The following MSH4 variants were observed in gnomAD, a reference collection of about 807,000 sequenced individuals.
MSH4 encodes mutS protein homolog 4.
In MSH4, 106 loss-of-function variants were observed where a neutral mutation model predicts 113.7. The ratio of observed to expected loss-of-function variants is 0.93; its 90% CI spans 0.80 to 1.10. The LOEUF (loss-of-function observed/expected upper bound fraction) is 1.10. Among genes scored for constraint, MSH4 ranks in the 50% least tolerant of loss-of-function variants. The probability of loss-of-function intolerance (pLI) is 0.00; values close to 1 mark genes in which losing one functional copy is unlikely to be tolerated. For missense variants in MSH4, 1,061 were observed against 1,093.7 expected, an observed-to-expected ratio of 0.97 and a Z score of 0.42; for synonymous variants, 368 against 380.2, an observed-to-expected ratio of 0.97 and a Z score of 0.37.
chr1:75,833,714 G>A (rs1337110025), intron 7 of MSH4, among the ~76,000 whole-genome samples: 1 of 152,170 alleles, frequency 6.6e-6, no homozygotes, highest in African/African-American at 2.4e-5. Flanking sequence ...ATGGTGCTGG[G>A]AAAACTGGCT....
intron 5 of MSH4, among the ~76,000 whole-genome samples, chr1:75,816,070 C>G (rs1342060126): frequency 6.6e-6 from 1 of 152,084 alleles, no homozygotes; most frequent in African/African-American, 2.4e-5. Context: ...TAGAATGGTA[C>G]ATCAAAAATT....
At chr1:75,805,784 A>G (rs1650047123) in intron 2 of MSH4, among the ~76,000 whole-genome samples, 2 of 152,176 alleles carry the variant, frequency 1.3e-5, no homozygotes, top group Non-Finnish European at 2.9e-5. Context: ...AGGTAAGCCA[A>G]TCTTACTCTA....
intron 6 of MSH4, among the ~76,000 whole-genome samples, chr1:75,820,454 A>G (rs1054160171): frequency 6.6e-6 from 1 of 152,104 alleles, no homozygotes; most frequent in Admixed American, 6.6e-5. Flanking sequence ...GGTCCTGGAC[A>G]TTTTTTGGTT....
chr1:75,910,690 C>T (rs1571005890), intron 19 of MSH4, among the ~76,000 whole-genome samples: 1 of 152,114 alleles, frequency 6.6e-6, no homozygotes, highest in South Asian at 2.1e-4. Flanking sequence ...TCACAGCGTC[C>T]ATCATCATTT....
Position 75,822,580 on chromosome 1 carries a change from A to C in MSH4, c.1161A>C (p.Ser387=), listed in dbSNP as rs749533589. The C allele has an allele frequency of 7.0e-7, 1 of 1,434,836 alleles. No homozygotes were observed. Among genetic ancestry groups the C allele is most frequent in the African/African-American group, 1.5e-5 (1 of 67,380 alleles). The allele number at this position is 1,434,836 out of a possible 1,614,324, so 88.9% of individuals were successfully genotyped here. Residue 387 remains serine, a splice_region_variant and synonymous_variant, in exon 7 of 20, where the codon TCA becomes TCC. Transcript: ENST00000263187. ...AGGAACTATTTTTTGGACTTCAATC[A>C]GGTAAATCAATATTATTTAATATTA... The part of the protein sequence containing the change: ...QDEELFFGLQ[S]VISRFLDTEQ...
chr1:75,870,003 G>A (rs992039011), intron 9 of MSH4, among the ~76,000 whole-genome samples: 1 of 152,166 alleles, frequency 6.6e-6, no homozygotes, highest in Non-Finnish European at 1.5e-5. Flanking sequence ...AGCAGCTGCA[G>A]GGTTCAGGGG....
chr1:75,889,981 GAA>G (rs1557526810), intron 16 of MSH4, among the ~76,000 whole-genome samples: 1 of 151,932 alleles, frequency 6.6e-6, no homozygotes, highest in Non-Finnish European at 1.5e-5. Flanking sequence ...ATTGTGTATT[GAA>G]TATCTATAAT....
chr1:75,843,328 C>G (rs1244906090), intron 7 of MSH4, among the ~76,000 whole-genome samples: 1 of 152,162 alleles, frequency 6.6e-6, no homozygotes, highest in Non-Finnish European at 1.5e-5. Flanking sequence ...GTCTTTATTT[C>G]TACACTCTCT....
chr1:75,819,389 C>A (rs988219930), intron 6 of MSH4, among the ~76,000 whole-genome samples: 1 of 152,122 alleles, frequency 6.6e-6, no homozygotes, highest in African/African-American at 2.4e-5. Flanking sequence ...ACTCAGGAGG[C>A]TGAGGCATGA....
At chr1:75,839,399 G>A (rs1650901401) in intron 7 of MSH4, among the ~76,000 whole-genome samples, 2 of 152,002 alleles carry the variant, frequency 1.3e-5, no homozygotes, top group African/African-American at 4.8e-5. Context: ...ATTTTTAATA[G>A]AGATGGCGTT....
Position 75,846,651 on chromosome 1 carries a change from A to G in MSH4, c.1163-1558A>G, listed in dbSNP as rs1450618096. Among the ~76,000 whole-genome samples, 4 of 152,262 alleles carry G rather than the reference A, an allele frequency of 2.6e-5. No individual in the cohort carries two copies. In the East Asian group the frequency reaches 5.8e-4, roughly 22 times the overall value. On this transcript the variant is annotated intron_variant, in intron 7 of 19. Transcript: ENST00000263187. ...GGCCTTTACTTTCCATATTTCTACC[A>G]ATGTTCTGATCATGACCACTTAAGT...
chr1:75,899,403 G>T (rs1652460104), intron 18 of MSH4, among the ~76,000 whole-genome samples: 1 of 152,054 alleles, frequency 6.6e-6, no homozygotes, highest in Non-Finnish European at 1.5e-5. Context: ...ATTCTAATTT[G>T]CCCTATGTGT....
At chr1:75,863,937 A>G (rs2100558449) in intron 8 of MSH4, among the ~76,000 whole-genome samples, 1 of 152,318 alleles carries the variant, frequency 6.6e-6, no homozygotes, top group African/African-American at 2.4e-5. Context: ...CATTCATGTA[A>G]CAACCACTCA....
At chr1:75,838,023 C>T (rs1417079229) in intron 7 of MSH4, among the ~76,000 whole-genome samples, 1 of 152,146 alleles carries the variant, frequency 6.6e-6, no homozygotes, top group Admixed American at 6.5e-5. Flanking sequence ...CTGAGACTAT[C>T]ACTCTGTATT....
chr1:75,867,051 G>A (rs1651577614), intron 8 of MSH4, among the ~76,000 whole-genome samples: 1 of 152,046 alleles, frequency 6.6e-6, no homozygotes, highest in Admixed American at 6.5e-5. Flanking sequence ...AATTCCTAGT[G>A]GAATTATGAA....
intron 14 of MSH4, among the ~76,000 whole-genome samples, chr1:75,881,828 A>G (rs1013968402): frequency 3.3e-5 from 5 of 152,076 alleles, no homozygotes; most frequent in Admixed American, 6.6e-5. Context: ...TCCCAAGTCT[A>G]TAAAAAGGCC....
chr1:75,849,931 A>G (rs1391892061), intron 8 of MSH4, among the ~76,000 whole-genome samples: 1 of 152,166 alleles, frequency 6.6e-6, no homozygotes, highest in Non-Finnish European at 1.5e-5. Flanking sequence ...TGTCTTTTAA[A>G]GAATTTTTCA....
chr1:75,905,146 TTG>T (rs1054239364), intron 19 of MSH4, among the ~76,000 whole-genome samples: 117 of 121,138 alleles, frequency 9.7e-4, no homozygotes, highest in African/African-American at 3.6e-3. Context: ...TAGGTTGTTG[TTG>T]TTTTTTTTTA....
rs1652478123 is a variant in MSH4 at position 75,900,219 on chromosome 1, A to C, written c.2619+513A>C. ...TGATTTGTTAGGAAGCAGTAGGTTC[A>C]ACACTAAACTCACATCTGTTGACTC... On this transcript the variant is annotated intron_variant, in intron 19 of 19. Coordinates refer to ENST00000263187, the MANE Select transcript of MSH4 (RefSeq NM_002440.4). Among the ~76,000 whole-genome samples, 3 of 152,300 alleles carry C rather than the reference A, an allele frequency of 2.0e-5. No individual in the cohort carries two copies. In the South Asian group the frequency reaches 6.2e-4, roughly 32 times the overall value.
Sources: allele counts gnomAD v4.1 joint callset (sites outside exome capture counted in the v4.1 genomes callset), GRCh38; gene constraint gnomAD v4.1.1; transcripts MANE v1.5; gene names NCBI Gene and HGNC (gene_info 2026-07-23, HGNC 2026-07-21).